CEP350: variants seen among roughly 807,000 people sequenced by gnomAD.
CEP350 encodes centrosomal protein 350, also known as centrosome-associated protein 350.
CEP350 carries 126 observed loss-of-function variants against 331.8 expected under a neutral mutation model. That is an observed-to-expected ratio of 0.38 (90% CI 0.33 to 0.44). The LOEUF is 0.44. Among genes scored for constraint, CEP350 ranks in the 20% least tolerant of loss-of-function variants. CEP350 has a pLI of 1.00. For synonymous variants in CEP350, 1,200 were observed against 1,259.5 expected (o/e 0.95, Z 1.00); for missense variants, 3,406 against 3,634.6 (o/e 0.94, Z 1.62).
intron 32 of CEP350, among the ~76,000 whole-genome samples, chr1:180,089,386 T>A (rs1408268706): frequency 1.3e-5 from 2 of 152,068 alleles, no homozygotes; most frequent in Non-Finnish European, 1.5e-5. Context: ...AGTTCGAGAC[T>A]AGCCTGACCA....
At chr1:180,041,923 G>T in intron 19 of CEP350, 121 bp downstream of exon 19, 1 of 881,290 alleles carries the variant, frequency 1.1e-6, no homozygotes, top group South Asian at 1.8e-5. Flanking sequence ...GTGACTTTTA[G>T]TGGGGGCCAT....
intron 34 of CEP350, among the ~76,000 whole-genome samples, chr1:180,094,855 C>G (rs1295902750): frequency 6.6e-6 from 1 of 152,144 alleles, no homozygotes; most frequent in African/African-American, 2.4e-5. Flanking sequence ...AGGGTTGTCA[C>G]AAGCACTGGC....
At chr1:180,080,746 A>G in intron 30 of CEP350, 85 bp downstream of exon 30, 1 of 1,160,230 alleles carries the variant, frequency 8.6e-7, no homozygotes. Flanking sequence ...TGTTGACCTT[A>G]GGAAGCATAT....
chr1:180,053,708 A>G, intron 23 of CEP350, 42 bp from the exon 24 acceptor site: 1 of 1,243,466 alleles, frequency 8.0e-7, no homozygotes, highest in South Asian at 2.0e-5. Flanking sequence ...AAGTACCAAA[A>G]GGTTAGATGA....
chr1:180,015,952 C>T lies in CEP350; in HGVS notation c.2156C>T (p.Pro719Leu), dbSNP rs1279861406. Reference protein sequence around the residue: ...SSSSDMSLSEPPQPLARKDLM... With the variant: ...SSSSDMSLSELPQPLARKDLM... The stretch of plus-strand genomic sequence containing the variant: ...AGTAGTGACATGTCTCTCTCAGAAC[C>T]TCCACAGCCTCTTGCAAGGTAAAAA... Residue 719 changes from proline to leucine, a missense_variant, in exon 11 of 38, where the codon CCT (proline) becomes CTT (leucine). Physicochemically the swap from Pro to Leu is moderately conservative, Grantham distance 98. Coordinates refer to ENST00000367607, the MANE Select transcript of CEP350 (RefSeq NM_014810.5). 2 of 1,613,706 alleles carry T rather than the reference C, an allele frequency of 1.2e-6. No individual in the cohort carries two copies. Among genetic ancestry groups the T allele is most frequent in the Non-Finnish European group, 1.7e-6 (2 of 1,179,794 alleles).
chr1:180,048,963 G>A (rs1041244487), intron 22 of CEP350, among the ~76,000 whole-genome samples: 3 of 152,122 alleles, frequency 2.0e-5, no homozygotes, highest in Admixed American at 2.0e-4. Flanking sequence ...TAGTACGTGG[G>A]AGGCTAAGAT....
intron 1 of CEP350, among the ~76,000 whole-genome samples, chr1:179,967,185 A>G (rs1156710016): frequency 3.3e-5 from 5 of 152,170 alleles, no homozygotes; most frequent in Admixed American, 2.0e-4. Context: ...ATAATGATGT[A>G]AAGAAGACCT....
chr1:180,059,980 T>TA (rs112828908), intron 25 of CEP350, among the ~76,000 whole-genome samples: 15 of 150,122 alleles, frequency 1.0e-4, no homozygotes, highest in East Asian at 5.8e-4. Flanking sequence ...TGCACAATGT[T>TA]AAAAAAAAAA....
intron 2 of CEP350, among the ~76,000 whole-genome samples, chr1:179,986,931 A>G (rs1388175024): frequency 3.9e-5 from 6 of 152,188 alleles, no homozygotes; most frequent in Non-Finnish European, 5.9e-5. Flanking sequence ...TGTTCAGCTC[A>G]TTGGGGTAAA....
chr1:180,003,583 T>C (rs1178885351), intron 7 of CEP350, among the ~76,000 whole-genome samples: 1 of 152,182 alleles, frequency 6.6e-6, no homozygotes, highest in Non-Finnish European at 1.5e-5. Context: ...AGTTGAAGTT[T>C]ACTTCTGCTT....
At chr1:180,052,132 C>A (rs887543931) in intron 22 of CEP350, 1 of 442,652 alleles carries the variant, frequency 2.3e-6, no homozygotes, top group African/African-American at 2.0e-5. Flanking sequence ...TTACCTAGCT[C>A]TGTCCACTGA....
chr1:179,958,555 T>C (rs1250428249), intron 1 of CEP350, among the ~76,000 whole-genome samples: 1 of 152,224 alleles, frequency 6.6e-6, no homozygotes, highest in Non-Finnish European at 1.5e-5. Flanking sequence ...GCTGAGCATA[T>C]CCTTCAGCTC....
chr1:180,088,307 G>A (rs749385473), intron 32 of CEP350, among the ~76,000 whole-genome samples: 3 of 151,862 alleles, frequency 2.0e-5, no homozygotes, highest in Non-Finnish European at 4.4e-5. Context: ...ATAATATTGT[G>A]TATTAGGAAG....
chr1:180,054,635 T>C lies in CEP350; in HGVS notation c.5262+133T>C, dbSNP rs1199814603. ...TAGTTGATACTTCCACTGTTTATGT[T>C]CATACTACTATAATTATAGGGGTTG... On this transcript the variant is annotated intron_variant, in intron 25 of 37. Transcript: ENST00000367607. 3 of 655,656 alleles carry C rather than the reference T, an allele frequency of 4.6e-6. No homozygotes were observed. The East Asian group carries it at 8.4e-5, about 18-fold the overall frequency. 40.6% of individuals were successfully genotyped at this position (655,656 alleles called of 1,614,324 possible).
chr1:180,091,385 A>G (rs945937345), intron 33 of CEP350, among the ~76,000 whole-genome samples: 6 of 152,160 alleles, frequency 3.9e-5, no homozygotes, highest in Non-Finnish European at 8.8e-5. Flanking sequence ...AAACCAAAGT[A>G]TAAAGATTAA....
intron 11 of CEP350, 64 bp from the exon 12 acceptor site, chr1:180,019,885 T>TA (rs951228512): frequency 0.021 from 25,096 of 1,186,476 alleles, no homozygotes; most frequent in South Asian, 0.028. Flanking sequence ...TATAATCAGA[T>TA]AAAAAAAAAA....
At chr1:180,085,248 TC>T (rs1659798550) in intron 31 of CEP350, among the ~76,000 whole-genome samples, 1 of 152,276 alleles carries the variant, frequency 6.6e-6, no homozygotes, top group African/African-American at 2.4e-5. Context: ...ACTTGAATTT[TC>T]CCCCAAGCCG....
In CEP350 at chr1:180,020,337, T is replaced by G. The variant is rs1348105287; in HGVS notation, c.2563T>G (p.Ser855Ala). The G allele has an allele frequency of 6.2e-7, 1 of 1,613,814 alleles. No homozygotes were observed. The highest frequency in any genetic ancestry group is 8.5e-7 in the Non-Finnish European group (1 of 1,179,882). ...AGCTGGGGCCAGCATTAACTATGGG[T>G]CAGCATGGAACACTGAGTATGATGT... The part of the protein sequence containing the change: ...KLAGASINYG[S>A]AWNTEYDVQQ... Residue 855 changes from serine to alanine, a missense_variant, in exon 12 of 38, where the codon TCA becomes GCA. Around this residue, in one of 5 missense-constraint regions of CEP350, gnomAD observed 1,857 missense variants for 1,909.2 expected, o/e 0.97. Transcript: ENST00000367607.
rs2149141564 is a variant in CEP350 at position 180,095,655 on chromosome 1, T to C, written c.8644T>C (p.Ser2882Pro). The change falls in exon 35 of 38, where the codon TCT becomes CCT. Residue 2882 changes from serine to proline, a missense_variant. Transcript: ENST00000367607. ...DWFDEDFGLS[S>P]SHKIQKNKAE... is the part of the protein sequence containing the mutation. ...GTTTGATGAAGACTTTGGTTTGAGC[T>C]CTTCTCACAAGATCCAAAAAAATAA... The C allele has an allele frequency of 6.2e-7, 1 of 1,613,934 alleles. No individual in the cohort carries two copies. Among genetic ancestry groups the C allele is most frequent in the East Asian group, 2.2e-5 (1 of 44,874 alleles).
Sources: gnomAD v4.1 joint callset for allele counts (sites outside exome capture counted in the v4.1 genomes callset) on GRCh38, gnomAD v4.1.1 for gene constraint, gnomAD v4.1.1 regional missense constraint, MANE v1.5 for transcripts, NCBI Gene and HGNC (gene_info 2026-07-23, HGNC 2026-07-21) for gene names.